ADGRG1: variants seen among roughly 807,000 people sequenced by gnomAD.
ADGRG1 encodes the protein adhesion G protein-coupled receptor G1.
Under a neutral mutation model 73.5 loss-of-function variants are expected in ADGRG1, and 53 were observed. The observed-to-expected ratio is 0.72, with a 90% CI of 0.58 to 0.91. The LOEUF is 0.91. Ranked by LOEUF, ADGRG1 falls within the 40% of genes least tolerant of loss-of-function variation. The pLI is 0.00. For synonymous variants in ADGRG1, 394 were observed against 374.4 expected, an observed-to-expected ratio of 1.05 and a Z score of -0.60; for missense variants, 795 against 871.8, an observed-to-expected ratio of 0.91 and a Z score of 1.11.
chr16:57,645,693 C>T (rs1211509708), intron 1 of ADGRG1, among the ~76,000 whole-genome samples: 1 of 152,174 alleles, frequency 6.6e-6, no homozygotes, highest in Non-Finnish European at 1.5e-5. Context: ...AGCCAAGCTC[C>T]CAAGCCCACC....
In ADGRG1 at chr16:57,634,473, G is replaced by A. The variant is rs1395460048; in HGVS notation, c.-36+5671G>A. On this transcript the variant is annotated intron_variant, in intron 1 of 13. Transcript: ENST00000562631. The stretch of plus-strand genomic sequence containing the variant: ...CCGCCCCTGGGGCATACACTTCACT[G>A]CCTACAAAGACCCTCATTCAATCTT... The A allele has an allele frequency of 4.1e-6, 4 of 985,196 alleles. No homozygotes were observed. In the Admixed American group the frequency reaches 2.5e-4, roughly 61 times the overall value. The allele number at this position is 985,196 out of a possible 1,614,324, so 61.0% of individuals were successfully genotyped here. A position where few individuals can be genotyped will look rare whatever the true frequency, so the allele number is the denominator to read the frequency against.
At chr16:57,658,974 T>C in intron 10 of ADGRG1, 1 of 985,204 alleles carries the variant, frequency 1.0e-6, no homozygotes, top group Non-Finnish European at 1.2e-6. Context: ...GTGCACACAT[T>C]GACTTGCAAA....
chr16:57,643,924 G>T (rs1403857741), intron 1 of ADGRG1: 10 of 982,524 alleles, frequency 1.0e-5, no homozygotes, highest in Non-Finnish European at 1.2e-5. Flanking sequence ...GTGGGGCGTA[G>T]CCCTGAGTGC....
chr16:57,663,741 C>T lies in ADGRG1; in HGVS notation c.*159C>T, dbSNP rs2047828848. The T allele has an allele frequency of 3.8e-6, 3 of 796,504 alleles. No homozygotes were observed. The highest frequency in any genetic ancestry group is 5.3e-5 in the East Asian group (2 of 37,402). The allele number at this position is 796,504 out of a possible 1,614,324, so 49.3% of individuals were successfully genotyped here. On this transcript the variant is annotated 3_prime_UTR_variant, in exon 14 of 14. Coordinates refer to ENST00000562631, the MANE Select transcript of ADGRG1 (RefSeq NM_201525.4). The stretch of plus-strand genomic sequence containing the variant: ...GGGCCGTTGCCATGGTGGACGGACT[C>T]CCGGGCTGGGCTTTTGAATTGGCCT...
At chr16:57,655,039 TG>T in intron 5 of ADGRG1, 1 of 984,732 alleles carries the variant, frequency 1.0e-6, no homozygotes, top group Non-Finnish European at 1.2e-6. Flanking sequence ...ATCTTGAGAC[TG>T]CCCCCTGAGT....
At chr16:57,628,857 AGTGT>A in intron 1 of ADGRG1, 55 bp downstream of exon 1, 1 of 975,244 alleles carries the variant, frequency 1.0e-6, no homozygotes, top group Non-Finnish European at 1.2e-6. Flanking sequence ...TGAGTGTGAG[AGTGT>A]GAGTGTGTGA....
At position 57,654,011 on chromosome 16, in the gene ADGRG1, C is replaced by A; in HGVS notation, c.646C>A (p.Leu216Met). The change falls in exon 5 of 14, where the codon CTG becomes ATG. Residue 216 changes from leucine (L) to methionine (M), a missense_variant. Transcript: ENST00000562631. ...SQQLQSLESK[L>M]TSVRFMGDMV... ...GCAGTTGCAGAGCCTGGAGTCGAAACTGACCTCTGTGAGATTCATGGGGGA... is the reference window on the plus strand; with the variant it reads ...GCAGTTGCAGAGCCTGGAGTCGAAAATGACCTCTGTGAGATTCATGGGGGA... The A allele has an allele frequency of 6.2e-7, 1 of 1,614,122 alleles. No homozygotes were observed. Among genetic ancestry groups the A allele is most frequent in the Non-Finnish European group, 8.5e-7 (1 of 1,180,040 alleles).
intron 1 of ADGRG1, chr16:57,636,220 G>A (rs9924765): frequency 0.26 from 260,340 of 984,806 alleles, 34,780 homozygotes; most frequent in African/African-American, 0.37. Flanking sequence ...GGTCTTGGGG[G>A]TGGTAATTTT....
intron 1 of ADGRG1, among the ~76,000 whole-genome samples, chr16:57,640,552 C>A (rs1372619681): frequency 2.0e-5 from 3 of 152,226 alleles, no homozygotes; most frequent in Non-Finnish European, 2.9e-5. Context: ...GTGGTGAGCA[C>A]CCCGCCTGCG....
chr16:57,632,765 C>A, intron 1 of ADGRG1: 2 of 984,336 alleles, frequency 2.0e-6, no homozygotes, highest in Non-Finnish European at 2.4e-6. Flanking sequence ...AAAGCTCAGC[C>A]CCGGAGGAGC....
At chr16:57,655,045 C>G (rs1201243695) in intron 5 of ADGRG1, 18 of 984,916 alleles carry the variant, frequency 1.8e-5, no homozygotes, top group Non-Finnish European at 2.2e-5. Flanking sequence ...AGACTGCCCC[C>G]TGAGTGGCTC....
intron 1 of ADGRG1, chr16:57,631,628 TGTGA>T: frequency 3.0e-6 from 3 of 984,960 alleles, no homozygotes; most frequent in Non-Finnish European, 3.6e-6. Flanking sequence ...GGGGACATCA[TGTGA>T]GCAAACCCAG....
At chr16:57,626,065 T>A (rs112645926), upstream of ADGRG1, among the ~76,000 whole-genome samples, 580 of 152,292 alleles carry the variant, frequency 3.8e-3, 3 homozygotes, top group African/African-American at 0.014. Flanking sequence ...GGGGATAGAC[T>A]GTTGTGAGAA....
At chr16:57,630,879 T>A in intron 1 of ADGRG1, 1 of 850,448 alleles carries the variant, frequency 1.2e-6, no homozygotes. Flanking sequence ...CGATACAAGC[T>A]GGGGACCACG....
At chr16:57,655,702 C>T in intron 6 of ADGRG1, 172 bp downstream of exon 6, 1 of 985,322 alleles carries the variant, frequency 1.0e-6, no homozygotes, top group Non-Finnish European at 1.2e-6. Context: ...AAGCAATGTT[C>T]TTCTTACTAT....
chr16:57,644,879 C>T (rs1224132900), intron 1 of ADGRG1, among the ~76,000 whole-genome samples: 1 of 149,810 alleles, frequency 6.7e-6, no homozygotes, highest in Non-Finnish European at 1.5e-5. Context: ...CACACATGTA[C>T]ACTCATGCAT....
chr16:57,630,650 G>A (rs1367464701), intron 1 of ADGRG1: 3 of 432,050 alleles, frequency 6.9e-6, no homozygotes, highest in African/African-American at 6.4e-5. Context: ...CCTTTTGTCA[G>A]GGATACAAAC....
intron 3 of ADGRG1, chr16:57,652,830 G>A: frequency 9.0e-7 from 1 of 1,108,840 alleles, no homozygotes; most frequent in Non-Finnish European, 1.1e-6. Flanking sequence ...TGGAGTCAGG[G>A]AGGCTGGTGG....
chr16:57,644,972 G>A (rs1486256777), intron 1 of ADGRG1: 1 of 666,074 alleles, frequency 1.5e-6, no homozygotes, highest in Non-Finnish European at 1.9e-6. Flanking sequence ...TCATGCATGG[G>A]CACACACCCC....
Sources: gnomAD v4.1 joint callset for allele counts (sites outside exome capture counted in the v4.1 genomes callset) on GRCh38, gnomAD v4.1.1 for gene constraint, MANE v1.5 for transcripts, NCBI Gene and HGNC (gene_info 2026-07-23, HGNC 2026-07-21) for gene names.